CHEK2: variants seen among roughly 807,000 people sequenced by gnomAD.
The protein encoded by CHEK2 is serine/threonine-protein kinase Chk2.
Under a neutral mutation model 69.1 loss-of-function variants are expected in CHEK2, and 71 were observed. The observed-to-expected ratio is 1.03, with a 90% CI of 0.85 to 1.25. The LOEUF (loss-of-function observed/expected upper bound fraction) is 1.25. Ranked by LOEUF, CHEK2 falls within the 50% of genes most tolerant of loss-of-function variation. CHEK2 has a pLI of 0.00. For missense variants in CHEK2, 664 were observed against 649.6 expected (o/e 1.02, Z -0.24); for synonymous variants, 189 against 226.9 (o/e 0.83, Z 1.50).
At position 28,734,645 on chromosome 22, in the gene CHEK2, G is replaced by GT. The variant is rs764156722; in HGVS notation, c.76dup (p.Thr26AsnfsTer51). 6.2e-7 allele frequency: 1 copy of GT among 1,613,992 alleles called. No homozygotes were observed. On this transcript the variant is annotated frameshift_variant, in exon 2 of 15. Coordinates refer to ENST00000404276, the MANE Select transcript of CHEK2 (RefSeq NM_007194.4). LOFTEE classifies it high-confidence loss of function. ...CTGTGAGGAGGAGCCTTGGGACTGG[G>GT]TAACGCTGCCATGGGGCTGTGAACA...
intron 4 of CHEK2, among the ~76,000 whole-genome samples, chr22:28,722,559 AG>A (rs373120852): frequency 0.02 from 2,751 of 140,744 alleles, 45 homozygotes; most frequent in African/African-American, 0.028. Context: ...AAAAAAAAAA[AG>A]AAAAGAAAAG....
chr22:28,711,808 A>G lies in CHEK2; in HGVS notation c.792+101T>C, dbSNP rs2053401265. ...TACTCACAAATTCATCCATCTAAGCAGGGGGTTATTCCTGAGTTTAAAAAT... is the reference window on the plus strand; with the variant it reads ...TACTCACAAATTCATCCATCTAAGCGGGGGGTTATTCCTGAGTTTAAAAAT... On this transcript the variant is annotated intron_variant, in intron 6 of 14. Transcript: ENST00000404276. The G allele has an allele frequency of 3.6e-6, 3 of 837,544 alleles. No homozygotes were observed. The East Asian group carries it at 7.5e-5, about 21-fold the overall frequency. 51.9% of individuals were successfully genotyped at this position (837,544 alleles called of 1,614,324 possible). A position where few individuals can be genotyped will look rare whatever the true frequency, so the allele number is the denominator to read the frequency against.
At chr22:28,696,284 A>G (rs1236185426) in intron 10 of CHEK2, among the ~76,000 whole-genome samples, 4 of 152,230 alleles carry the variant, frequency 2.6e-5, no homozygotes, top group African/African-American at 4.8e-5. Flanking sequence ...CTTCTGAGGT[A>G]AAGCCTGGGT....
chr22:28,722,471 C>T (rs1274137190), intron 4 of CHEK2, among the ~76,000 whole-genome samples: 1 of 136,372 alleles, frequency 7.3e-6, no homozygotes, highest in African/African-American at 2.7e-5. Context: ...ACCCAGGAGG[C>T]GGAGCTTGCA....
intron 1 of CHEK2, among the ~76,000 whole-genome samples, chr22:28,739,169 C>T (rs2054493003): frequency 6.6e-6 from 1 of 151,924 alleles, no homozygotes; most frequent in Non-Finnish European, 1.5e-5. Context: ...ACTTGGTAGG[C>T]TGAGACACGA....
rs748636216 is a variant in CHEK2, at chr22:28,712,013, C to G, written c.688G>C (p.Ala230Pro). 2.5e-6 allele frequency: 4 copies of G among 1,610,176 alleles called. No individual in the cohort carries two copies. The highest frequency in any genetic ancestry group is 3.4e-6 in the Non-Finnish European group (4 of 1,177,448). ...YIMSKTLGSG[A>P]CGEVKLAFER... ...AAAGCCAGCTTTACCTCTCCACAGG[C>G]ACCACTAGAGGGAAAAACAAAGATA... Residue 230 changes from alanine to proline, a missense_variant, in exon 6 of 15, where the codon GCC becomes CCC. Ala to Pro is a conservative substitution (Grantham distance 27). Transcript: ENST00000404276.
Position 28,711,995 on chromosome 22 carries a change from G to GCTTTAC in CHEK2, c.700_705dup (p.Val234_Lys235dup), listed in dbSNP as rs761930314. 1.1e-5 allele frequency: 18 copies of GCTTTAC among 1,612,912 alleles called. No homozygotes were observed. The South Asian group carries it at 2.0e-4, about 18-fold the overall frequency. On this transcript the variant is annotated inframe_insertion, in exon 6 of 15. Transcript: ENST00000404276. ...TTACATGTTTTCCTCTCGAAAGCCA[G>GCTTTAC]CTTTACCTCTCCACAGGCACCACTA... is the stretch of plus-strand genomic sequence containing the variant.
chr22:28,717,083 A>C (rs2053612157), intron 5 of CHEK2, among the ~76,000 whole-genome samples: 1 of 152,168 alleles, frequency 6.6e-6, no homozygotes, highest in African/African-American at 2.4e-5. Flanking sequence ...ATTTTTTATA[A>C]AAAATGTTAC....
chr22:28,695,715 A>T lies in CHEK2; in HGVS notation c.1254T>A (p.Phe418Leu), dbSNP rs774870353. 1 of 1,613,100 alleles carries T rather than the reference A, an allele frequency of 6.2e-7. No homozygotes were observed. The change falls in exon 11 of 15, where the codon TTT (phenylalanine) becomes TTA (leucine). Residue 418 changes from phenylalanine to leucine, a missense_variant. Physicochemically the swap from Phe to Leu is conservative, Grantham distance 22. Transcript: ENST00000404276. ...GCAATGAAAATATTTCTTACCAGATAAAAAGAATAACTCCTAAACTCCAGC... is the reference window on the plus strand; with the variant it reads ...GCAATGAAAATATTTCTTACCAGATTAAAAGAATAACTCCTAAACTCCAGC... ...VDCWSLGVIL[F>L]ICLSGYPPFS...
At chr22:28,714,065 T>C (rs1235160191) in intron 5 of CHEK2, among the ~76,000 whole-genome samples, 3 of 152,000 alleles carry the variant, frequency 2.0e-5, no homozygotes, top group African/African-American at 2.4e-5. Flanking sequence ...TTTACCTTTT[T>C]CTGTTGTTGT....
intron 8 of CHEK2, among the ~76,000 whole-genome samples, chr22:28,702,314 T>C (rs564390441): frequency 3.7e-4 from 56 of 150,708 alleles, no homozygotes; most frequent in Middle Eastern, 3.5e-3. Flanking sequence ...TCTCAGCTCA[T>C]TGCAAGCTCC....
chr22:28,727,057 T>C (rs1258204927), intron 2 of CHEK2, among the ~76,000 whole-genome samples: 1 of 152,128 alleles, frequency 6.6e-6, no homozygotes, highest in African/African-American at 2.4e-5. Context: ...GCTTTCTTTC[T>C]TTGAGATGGA....
At position 28,689,128 on chromosome 22, in the gene CHEK2, C is replaced by T. The variant is rs4035547; in HGVS notation, c.1542+7G>A. On this transcript the variant is annotated splice_region_variant and intron_variant, in intron 14 of 14. Transcript: ENST00000404276. ...CTACATTTAGTGATCATCAGGAATA[C>T]GAATACCTGGGCTAGAACCTGGGGT... 8 of 1,582,250 alleles carry T rather than the reference C, an allele frequency of 5.1e-6. No individual in the cohort carries two copies. In the East Asian group the frequency reaches 1.6e-4, roughly 31 times the overall value.
At chr22:28,698,240 A>AG (rs1286451717) in intron 9 of CHEK2, among the ~76,000 whole-genome samples, 2 of 148,234 alleles carry the variant, frequency 1.3e-5, no homozygotes, top group African/African-American at 2.4e-5. Flanking sequence ...AAAAAAAAAA[A>AG]AAAAAAATTA....
intron 1 of CHEK2, among the ~76,000 whole-genome samples, chr22:28,739,042 G>A (rs1430327984): frequency 6.6e-6 from 1 of 152,136 alleles, no homozygotes; most frequent in Non-Finnish European, 1.5e-5. Flanking sequence ...GCCAAGGTGG[G>A]TGAATCATCT....
At chr22:28,739,253 G>A (rs2054495690) in intron 1 of CHEK2, among the ~76,000 whole-genome samples, 1 of 152,154 alleles carries the variant, frequency 6.6e-6, no homozygotes, top group Non-Finnish European at 1.5e-5. Flanking sequence ...TCGAGGCTAG[G>A]TGACAGAGTG....
At chr22:28,723,198 A>G (rs1017092460) in intron 4 of CHEK2, among the ~76,000 whole-genome samples, 2 of 152,226 alleles carry the variant, frequency 1.3e-5, no homozygotes, top group African/African-American at 4.8e-5. Flanking sequence ...GATGAGGCTG[A>G]TAAACATCTC....
At chr22:28,694,236 G>A in intron 12 of CHEK2, 119 bp from the exon 13 acceptor site, 1 of 749,168 alleles carries the variant, frequency 1.3e-6, no homozygotes, top group East Asian at 2.6e-5. Flanking sequence ...TCATCACGGA[G>A]TCAGCAGACA....
At chr22:28,713,708 G>C (rs575235146) in intron 5 of CHEK2, among the ~76,000 whole-genome samples, 2 of 139,362 alleles carry the variant, frequency 1.4e-5, no homozygotes, top group Admixed American at 1.4e-4. Context: ...TGAGATATAG[G>C]CTCGATCTGT....
Sources: allele counts gnomAD v4.1 joint callset (sites outside exome capture counted in the v4.1 genomes callset), GRCh38; gene constraint gnomAD v4.1.1; transcripts MANE v1.5; gene names NCBI Gene and HGNC (gene_info 2026-07-23, HGNC 2026-07-21).